PBX1: variants seen among roughly 807,000 people sequenced by gnomAD.
PBX1 encodes pre-B-cell leukemia transcription factor 1.
PBX1 carries 6 observed loss-of-function variants against 53.4 expected under a neutral mutation model. That is an observed-to-expected ratio of 0.11 (90% confidence interval 0.06 to 0.22). PBX1 has a LOEUF of 0.22. Ranked by LOEUF, PBX1 falls within the 10% of genes least tolerant of loss-of-function variation. The probability of loss-of-function intolerance (pLI) is 1.00; values close to 1 mark genes in which losing one functional copy is unlikely to be tolerated. For synonymous variants in PBX1, 204 were observed against 212.3 expected, an observed-to-expected ratio of 0.96 and a Z score of 0.34; for missense variants, 251 against 551.4, an observed-to-expected ratio of 0.46 and a Z score of 5.46.
At chr1:164,618,353 G>T (rs1208640263) in intron 2 of PBX1, among the ~76,000 whole-genome samples, 1 of 151,102 alleles carries the variant, frequency 6.6e-6, no homozygotes, top group African/African-American at 2.4e-5. Context: ...TCCCAGGCTG[G>T]GGTAAGGGTT....
intron 3 of PBX1, among the ~76,000 whole-genome samples, chr1:164,794,063 C>G (rs1571419764): frequency 6.6e-6 from 1 of 151,862 alleles, no homozygotes; most frequent in African/African-American, 2.4e-5. Flanking sequence ...TTAGTAGAGA[C>G]AGGGTTTCAC....
At chr1:164,566,692 T>C (rs1653455710) in intron 2 of PBX1, among the ~76,000 whole-genome samples, 1 of 152,210 alleles carries the variant, frequency 6.6e-6, no homozygotes. Context: ...CATTTCCTGA[T>C]GTTTTTTATT....
chr1:164,882,402 C>T (rs1672681461), intron 2 of PBX1, among the ~76,000 whole-genome samples: 1 of 152,086 alleles, frequency 6.6e-6, no homozygotes, highest in African/African-American at 2.4e-5. Context: ...ATTCTTAAGC[C>T]ATGGGATAAT....
chr1:164,842,430 A>G (rs538011430), intron 8 of PBX1, among the ~76,000 whole-genome samples: 25 of 152,372 alleles, frequency 1.6e-4, no homozygotes, highest in African/African-American at 5.8e-4. Context: ...AGGATAGACC[A>G]TAGAGTAAAT....
chr1:164,680,362 C>G (rs975105648), intron 2 of PBX1: 10 of 152,156 alleles, frequency 6.6e-5, no homozygotes, highest in African/African-American at 2.4e-4. Flanking sequence ...ATTACAGATT[C>G]ATGAGGGATC....
At chr1:164,791,431 A>G (rs1668501653) in intron 2 of PBX1, among the ~76,000 whole-genome samples, 1 of 152,204 alleles carries the variant, frequency 6.6e-6, no homozygotes, top group Admixed American at 6.5e-5. Flanking sequence ...CCAACAGGAC[A>G]GAGTCCTTAT....
downstream of PBX1, among the ~76,000 whole-genome samples, chr1:164,855,535 C>G (rs1184166103): frequency 6.6e-6 from 1 of 152,062 alleles, no homozygotes; most frequent in Non-Finnish European, 1.5e-5. Flanking sequence ...TTGGCCTGAC[C>G]CACAGAATTT....
At chr1:164,874,581 G>A (rs891519061) in intron 2 of PBX1, among the ~76,000 whole-genome samples, 1 of 152,002 alleles carries the variant, frequency 6.6e-6, no homozygotes, top group African/African-American at 2.4e-5. Flanking sequence ...TGCAATCTCC[G>A]CCTCCTGGGT....
At chr1:164,658,889 A>G (rs953101404) in intron 2 of PBX1, among the ~76,000 whole-genome samples, 13 of 152,188 alleles carry the variant, frequency 8.5e-5, no homozygotes, top group Non-Finnish European at 1.5e-4. Context: ...GAGGAAAGAA[A>G]AGACAGAGAG....
chr1:164,797,209 A>G (rs1292099898), intron 3 of PBX1, among the ~76,000 whole-genome samples: 2 of 152,238 alleles, frequency 1.3e-5, no homozygotes, highest in African/African-American at 2.4e-5. Flanking sequence ...TTTATTCACC[A>G]TAATGAAGCA....
In PBX1 at chr1:164,799,839, G is replaced by A. The variant is rs1402999260; in HGVS notation, c.651G>A (p.Gln217=). 2 of 1,614,032 alleles carry A rather than the reference G, an allele frequency of 1.2e-6. No homozygotes were observed. Among genetic ancestry groups the A allele is most frequent in the South Asian group, 2.2e-5 (2 of 91,064 alleles). Residue 217 remains glutamine, a synonymous_variant, in exon 4 of 9, where the codon CAG becomes CAA. Coordinates refer to ENST00000420696, the MANE Select transcript of PBX1 (RefSeq NM_002585.4). ...GCTCCATCCAGATGCAGCTCAAGCA[G>A]AGCACGTGCGAGGCGGTGATGATCC... ...KFSSIQMQLK[Q]STCEAVMILR...
chr1:164,751,495 A>ACT (rs780663041), intron 2 of PBX1, among the ~76,000 whole-genome samples: 3 of 149,962 alleles, frequency 2.0e-5, no homozygotes, highest in Admixed American at 6.7e-5. Flanking sequence ...TGTAAAACTC[A>ACT]CTCTTCTCAC....
chr1:164,733,992 G>A (rs80290268), intron 2 of PBX1, among the ~76,000 whole-genome samples: 2,247 of 152,238 alleles, frequency 0.015, 26 homozygotes, highest in Non-Finnish European at 0.021. Context: ...GGGCTTTGGC[G>A]TATGCATGCA....
chr1:164,668,787 C>G (rs1242056060), intron 2 of PBX1, among the ~76,000 whole-genome samples: 1 of 152,154 alleles, frequency 6.6e-6, no homozygotes. Context: ...AAAGAATGTG[C>G]CGTTTTAATT....
intron 2 of PBX1, among the ~76,000 whole-genome samples, chr1:164,645,634 A>T (rs2101909468): frequency 6.6e-6 from 1 of 152,202 alleles, no homozygotes; most frequent in East Asian, 1.9e-4. Context: ...AATATTGAGG[A>T]CAAAGTAAGG....
intron 2 of PBX1, among the ~76,000 whole-genome samples, chr1:164,610,572 T>C (rs1160554630): frequency 6.6e-6 from 1 of 152,024 alleles, no homozygotes; most frequent in African/African-American, 2.4e-5. Flanking sequence ...AGAGTGATGA[T>C]AGGATTAGCA....
chr1:164,592,695 A>G (rs900071333), intron 2 of PBX1, among the ~76,000 whole-genome samples: 1 of 152,194 alleles, frequency 6.6e-6, no homozygotes, highest in Non-Finnish European at 1.5e-5. Context: ...CTACGACCAC[A>G]TGTGGCCAGC....
At chr1:164,635,752 G>C (rs1196400696) in intron 2 of PBX1, among the ~76,000 whole-genome samples, 1 of 152,230 alleles carries the variant, frequency 6.6e-6, no homozygotes, top group Non-Finnish European at 1.5e-5. Context: ...CAACATAACA[G>C]ATTTTGATTC....
At chr1:164,614,909 G>A (rs2101835503) in intron 2 of PBX1, among the ~76,000 whole-genome samples, 1 of 152,244 alleles carries the variant, frequency 6.6e-6, no homozygotes, top group Admixed American at 6.5e-5. Flanking sequence ...GAGTAGCTGG[G>A]ACTACAGGAG....
Sources: allele counts gnomAD v4.1 joint callset (sites outside exome capture counted in the v4.1 genomes callset), GRCh38; gene constraint gnomAD v4.1.1; transcripts MANE v1.5; gene names NCBI Gene and HGNC (gene_info 2026-07-23, HGNC 2026-07-21).